The following CBLB variants were observed in gnomAD, a reference collection of about 807,000 sequenced individuals.
CBLB encodes Cbl proto-oncogene B, also known as E3 ubiquitin-protein ligase CBL-B.
Under a neutral mutation model 104.9 loss-of-function variants are expected in CBLB, and 31 were observed. The ratio of observed to expected loss-of-function variants is 0.30; its 90% CI spans 0.22 to 0.40. CBLB has a LOEUF of 0.40. CBLB is among the 10% of genes least tolerant of loss of function. The pLI, the probability that CBLB is intolerant of heterozygous loss-of-function variation, is 1.00. For synonymous variants in CBLB, 440 were observed against 422.6 expected (o/e 1.04, Z -0.51); for missense variants, 1,062 against 1,214.6 (o/e 0.87, Z 1.87).
chr3:105,717,868 G>C (rs149157602), intron 10 of CBLB, among the ~76,000 whole-genome samples: 33 of 152,272 alleles, frequency 2.2e-4, no homozygotes, highest in Non-Finnish European at 3.4e-4. Context: ...ATAATATAGT[G>C]AGCATTTATG....
At chr3:105,676,357 T>C (rs1369940234) in intron 17 of CBLB, among the ~76,000 whole-genome samples, 1 of 152,180 alleles carries the variant, frequency 6.6e-6, no homozygotes, top group African/African-American at 2.4e-5. Flanking sequence ...AATAAATAAC[T>C]AAAACCTTTT....
intron 2 of CBLB, among the ~76,000 whole-genome samples, chr3:105,861,333 C>T (rs1257735163): frequency 6.6e-6 from 1 of 152,098 alleles, no homozygotes; most frequent in Non-Finnish European, 1.5e-5. Flanking sequence ...AGTTAAAATA[C>T]ATATATTGCA....
intron 2 of CBLB, among the ~76,000 whole-genome samples, chr3:105,858,727 C>G (rs1372070855): frequency 1.3e-5 from 2 of 152,148 alleles, no homozygotes; most frequent in Non-Finnish European, 2.9e-5. Flanking sequence ...GGACCAATTC[C>G]TTTTGACGTG....
intron 17 of CBLB, chr3:105,672,284 T>A (rs1313259483): frequency 1.1e-5 from 2 of 182,222 alleles, no homozygotes; most frequent in Non-Finnish European, 2.3e-5. Flanking sequence ...TAAACTATAT[T>A]ATTTAAAAGG....
intron 4 of CBLB, among the ~76,000 whole-genome samples, chr3:105,766,042 T>C (rs544068350): frequency 6.6e-6 from 1 of 152,234 alleles, no homozygotes; most frequent in African/African-American, 2.4e-5. Context: ...GGTCAAAATA[T>C]CAACATTAAC....
chr3:105,701,401 C>T (rs1299973843), intron 12 of CBLB, among the ~76,000 whole-genome samples: 1 of 152,182 alleles, frequency 6.6e-6, no homozygotes. Context: ...CTAACTCCAA[C>T]AACTGATTTA....
chr3:105,822,095 T>C (rs2085946263), intron 3 of CBLB, among the ~76,000 whole-genome samples: 1 of 152,100 alleles, frequency 6.6e-6, no homozygotes, highest in African/African-American at 2.4e-5. Context: ...AAATAACTTA[T>C]ATTATTATTT....
At chr3:105,814,212 C>T (rs981336599) in intron 3 of CBLB, among the ~76,000 whole-genome samples, 1 of 152,050 alleles carries the variant, frequency 6.6e-6, no homozygotes. Context: ...CTTTTGTGTG[C>T]TTTATGTTTA....
intron 3 of CBLB, among the ~76,000 whole-genome samples, chr3:105,848,177 A>G (rs1351947314): frequency 6.6e-6 from 1 of 152,120 alleles, no homozygotes; most frequent in Non-Finnish European, 1.5e-5. Context: ...AAGAAAAAGA[A>G]CAAAACAACA....
intron 4 of CBLB, among the ~76,000 whole-genome samples, chr3:105,770,951 C>A (rs2078807927): frequency 6.6e-6 from 1 of 152,192 alleles, no homozygotes. Context: ...AGATTCACAA[C>A]TGAATTCTAC....
chr3:105,767,148 T>C (rs181508643), intron 4 of CBLB, among the ~76,000 whole-genome samples: 152 of 152,324 alleles, frequency 1.0e-3, no homozygotes, highest in African/African-American at 3.5e-3. Flanking sequence ...AGTGATTCTT[T>C]GAATCCTACT....
chr3:105,742,171 AAAAC>A (rs1240249746), intron 6 of CBLB, among the ~76,000 whole-genome samples: 1 of 152,240 alleles, frequency 6.6e-6, no homozygotes, highest in Admixed American at 6.5e-5. Flanking sequence ...AAGCAGATCA[AAAAC>A]AAACCAACTT....
intron 3 of CBLB, among the ~76,000 whole-genome samples, chr3:105,808,579 CTTTT>C (rs1050861080): frequency 2.6e-5 from 4 of 152,088 alleles, no homozygotes; most frequent in Non-Finnish European, 5.9e-5. Flanking sequence ...TTTCATATTT[CTTTT>C]GTTTTGCAAA....
At chr3:105,733,021 C>G (rs530544434) in intron 9 of CBLB, among the ~76,000 whole-genome samples, 1 of 152,242 alleles carries the variant, frequency 6.6e-6, no homozygotes. Flanking sequence ...AACTGGAAAT[C>G]TGTCCAAAGA....
intron 3 of CBLB, among the ~76,000 whole-genome samples, chr3:105,832,517 A>C (rs979289612): frequency 1.3e-5 from 2 of 152,226 alleles, no homozygotes; most frequent in African/African-American, 4.8e-5. Context: ...TTAAAATGTC[A>C]CATGAAAATA....
At chr3:105,854,509 T>C (rs1029185007) in intron 2 of CBLB, among the ~76,000 whole-genome samples, 1 of 151,928 alleles carries the variant, frequency 6.6e-6, no homozygotes, top group African/African-American at 2.4e-5. Context: ...TTATATAGTG[T>C]AATGGGACAG....
At chr3:105,780,489 T>C (rs1378515711) in intron 3 of CBLB, among the ~76,000 whole-genome samples, 2 of 152,150 alleles carry the variant, frequency 1.3e-5, no homozygotes, top group Non-Finnish European at 1.5e-5. Flanking sequence ...ATCTTACAAA[T>C]GTAATTTTAA....
intron 9 of CBLB, chr3:105,724,250 C>CCAG (rs1488216576): frequency 6.2e-6 from 1 of 160,820 alleles, no homozygotes; most frequent in Admixed American, 6.5e-5. Context: ...ACAAAATGCC[C>CCAG]CAGAGCAGGA....
intron 4 of CBLB, among the ~76,000 whole-genome samples, chr3:105,771,971 T>G (rs922605372): frequency 6.6e-6 from 1 of 151,958 alleles, no homozygotes; most frequent in African/African-American, 2.4e-5. Context: ...CCAGACTCCA[T>G]GCAATTCCCA....
Sources: allele counts gnomAD v4.1 joint callset (sites outside exome capture counted in the v4.1 genomes callset), GRCh38; gene constraint gnomAD v4.1.1; transcripts MANE v1.5; gene names NCBI Gene and HGNC (gene_info 2026-07-23, HGNC 2026-07-21).